CADM2: variants seen among roughly 807,000 people sequenced by gnomAD.
CADM2 encodes immunoglobulin superfamily member 4D.
Under a neutral mutation model 49.8 loss-of-function variants are expected in CADM2, and 12 were observed. The observed-to-expected ratio is 0.24, with a 90% CI of 0.15 to 0.39. The LOEUF (loss-of-function observed/expected upper bound fraction) is 0.39, where lower values mean the gene tolerates loss of function less well. Among genes scored for constraint, CADM2 ranks in the 10% least tolerant of loss-of-function variants. The pLI, the probability that CADM2 is intolerant of heterozygous loss-of-function variation, is 1.00. For missense variants in CADM2, 378 were observed against 492.3 expected, an observed-to-expected ratio of 0.77 and a Z score of 2.20; for synonymous variants, 214 against 175.4, an observed-to-expected ratio of 1.22 and a Z score of -1.74.
intron 1 of CADM2, among the ~76,000 whole-genome samples, chr3:85,417,679 CA>C (rs1386660742): frequency 6.6e-6 from 1 of 152,020 alleles, no homozygotes; most frequent in Non-Finnish European, 1.5e-5. Context: ...TTATTATCTT[CA>C]AAAAACCTTT....
intron 1 of CADM2, among the ~76,000 whole-genome samples, chr3:85,259,121 A>G (rs1057279128): frequency 6.6e-6 from 1 of 152,162 alleles, no homozygotes; most frequent in Admixed American, 6.6e-5. Flanking sequence ...AACAAGTACA[A>G]TGATCCACTT....
chr3:86,015,255 C>T (rs1732070532), intron 8 of CADM2: 1 of 213,854 alleles, frequency 4.7e-6, no homozygotes, highest in Non-Finnish European at 9.2e-6. Flanking sequence ...GATAATGTAC[C>T]TGTTTAAATG....
At chr3:85,729,824 A>G (rs1378887797) in intron 2 of CADM2, among the ~76,000 whole-genome samples, 2 of 152,132 alleles carry the variant, frequency 1.3e-5, no homozygotes, top group Non-Finnish European at 2.9e-5. Flanking sequence ...TTTTCTTTCT[A>G]AGGGTTTTTT....
intron 1 of CADM2, among the ~76,000 whole-genome samples, chr3:85,173,851 T>C (rs531753904): frequency 6.6e-6 from 1 of 152,264 alleles, no homozygotes; most frequent in African/African-American, 2.4e-5. Flanking sequence ...CTGTTGGTCA[T>C]ATTTTGTTTA....
intron 1 of CADM2, among the ~76,000 whole-genome samples, chr3:85,174,857 G>A (rs536781865): frequency 1.5e-4 from 23 of 152,174 alleles, no homozygotes; most frequent in Admixed American, 3.9e-4. Context: ...TGTGTCATAC[G>A]TTTTAGTTTA....
intron 1 of CADM2, among the ~76,000 whole-genome samples, chr3:85,232,403 C>T (rs2042314742): frequency 6.6e-6 from 1 of 151,926 alleles, no homozygotes; most frequent in African/African-American, 2.4e-5. Flanking sequence ...TCTCTGAGTT[C>T]TTATTTGTTC....
chr3:86,060,746 G>A (rs1412904340), intron 8 of CADM2, among the ~76,000 whole-genome samples: 1 of 152,044 alleles, frequency 6.6e-6, no homozygotes, highest in Non-Finnish European at 1.5e-5. Flanking sequence ...CACTTTTGGA[G>A]GCTGAGGTGG....
intron 1 of CADM2, among the ~76,000 whole-genome samples, chr3:85,681,170 G>A (rs1228936405): frequency 6.6e-6 from 1 of 152,082 alleles, no homozygotes; most frequent in African/African-American, 2.4e-5. Flanking sequence ...AATGTAGACA[G>A]TGATTTCCCT....
chr3:85,388,007 G>C (rs371961432), intron 1 of CADM2, among the ~76,000 whole-genome samples: 1 of 152,138 alleles, frequency 6.6e-6, no homozygotes, highest in African/African-American at 2.4e-5. Flanking sequence ...TATTTTCTTA[G>C]AGACCCTGAC....
intron 1 of CADM2, among the ~76,000 whole-genome samples, chr3:85,342,072 G>A (rs948300050): frequency 4.6e-5 from 7 of 152,076 alleles, no homozygotes; most frequent in Admixed American, 4.6e-4. Context: ...ACAGTGAACA[G>A]GCAACCTACA....
chr3:85,778,324 A>G (rs1363412747), intron 2 of CADM2, among the ~76,000 whole-genome samples: 1 of 152,150 alleles, frequency 6.6e-6, no homozygotes, highest in Admixed American at 6.5e-5. Context: ...TGCTCATTTT[A>G]AAAAATTATT....
intron 2 of CADM2, among the ~76,000 whole-genome samples, chr3:85,784,369 C>A (rs925808410): frequency 6.6e-5 from 10 of 150,904 alleles, no homozygotes; most frequent in Non-Finnish European, 1.3e-4. Context: ...ATTATAACTT[C>A]TTTGAAAGAG....
chr3:85,357,209 C>T (rs958243696), intron 1 of CADM2, among the ~76,000 whole-genome samples: 1 of 152,166 alleles, frequency 6.6e-6, no homozygotes, highest in East Asian at 1.9e-4. Context: ...AACACTCCAT[C>T]GCCCTTACTA....
intron 8 of CADM2, among the ~76,000 whole-genome samples, chr3:86,029,581 A>G (rs1243461622): frequency 2.6e-5 from 4 of 151,902 alleles, no homozygotes. Context: ...TCCTGGGCCT[A>G]GGATAATAAT....
Position 84,959,636 on chromosome 3 carries a change from G to A in CADM2, c.29G>A (p.Arg10His), listed in dbSNP as rs777104225. MIWKRSAVL[R>H]FYSVCGLLLQ... ...ATTTGGAAACGCAGCGCCGTTCTCC[G>A]CTTCTACAGTGTCTGCGGGCTCCTG... The change falls in exon 1 of 10, where the codon CGC (arginine) becomes CAC (histidine). Residue 10 changes from arginine (R) to histidine (H), a missense_variant. By Grantham distance (29) the Arg-to-His change is conservative. Coordinates refer to ENST00000383699, the MANE Select transcript of CADM2 (RefSeq NM_001167675.2). 2 of 1,536,956 alleles carry A rather than the reference G, an allele frequency of 1.3e-6. No homozygotes were observed. The highest frequency in any genetic ancestry group is 1.4e-5 in the African/African-American group (1 of 72,960).
intron 2 of CADM2, among the ~76,000 whole-genome samples, chr3:85,772,426 T>A (rs1233136103): frequency 1.3e-5 from 2 of 152,116 alleles, no homozygotes; most frequent in Non-Finnish European, 2.9e-5. Flanking sequence ...TGTGTCCATC[T>A]AAGTAGAATT....
chr3:85,924,167 T>C (rs1719517906), intron 6 of CADM2, among the ~76,000 whole-genome samples: 1 of 152,198 alleles, frequency 6.6e-6, no homozygotes, highest in African/African-American at 2.4e-5. Context: ...ATTTTTAAAA[T>C]TAAATTGTTT....
At chr3:85,644,784 A>G (rs1031566407) in intron 1 of CADM2, among the ~76,000 whole-genome samples, 50 of 152,138 alleles carry the variant, frequency 3.3e-4, no homozygotes, top group African/African-American at 1.2e-3. Flanking sequence ...AGTAGTATGT[A>G]TTTTAATAAC....
At position 85,012,409 on chromosome 3, in the gene CADM2, A is replaced by T. The variant is rs2034041977; in HGVS notation, c.61+52741A>T. Among the ~76,000 whole-genome samples the T allele has an allele frequency of 5.4e-5, 8 of 148,824 alleles. No homozygotes were observed. The South Asian group carries it at 1.5e-3, about 28-fold the overall frequency. ...TTTATTTCTAAAATATTTACTATCA[A>T]TTGTTCATATTTTTTTCAGCCCCTT... On this transcript the variant is annotated intron_variant, in intron 1 of 9. Coordinates refer to ENST00000383699, the MANE Select transcript of CADM2 (RefSeq NM_001167675.2).
Sources: gnomAD v4.1 joint callset for allele counts (sites outside exome capture counted in the v4.1 genomes callset) on GRCh38, gnomAD v4.1.1 for gene constraint, MANE v1.5 for transcripts, NCBI Gene and HGNC (gene_info 2026-07-23, HGNC 2026-07-21) for gene names.